The following DSCAM variants were observed in gnomAD, a reference collection of about 807,000 sequenced individuals.
DSCAM encodes the protein DS cell adhesion molecule.
DSCAM carries 47 observed loss-of-function variants against 217.7 expected under a neutral mutation model. The observed-to-expected ratio is 0.22, with a 90% CI of 0.17 to 0.28. DSCAM has a LOEUF of 0.28. Among genes scored for constraint, DSCAM ranks in the 10% least tolerant of loss-of-function variants. The pLI, the probability that DSCAM is intolerant of heterozygous loss-of-function variation, is 1.00. For missense variants in DSCAM, 2,080 were observed against 2,618.3 expected, an observed-to-expected ratio of 0.79 and a Z score of 4.49; for synonymous variants, 1,056 against 1,015.3, an observed-to-expected ratio of 1.04 and a Z score of -0.76.
At chr21:40,319,437 A>ATGTGTGTGTGTGTGTG (rs536367981) in intron 8 of DSCAM, among the ~76,000 whole-genome samples, 25 of 151,598 alleles carry the variant, frequency 1.6e-4, no homozygotes, top group South Asian at 6.3e-4. Flanking sequence ...TCGTGTGTGC[A>ATGTGTGTGTGTGTGTG]TGTGTGTGTG....
intron 1 of DSCAM, among the ~76,000 whole-genome samples, chr21:40,830,902 T>C (rs1405538903): frequency 6.6e-6 from 1 of 152,176 alleles, no homozygotes; most frequent in African/African-American, 2.4e-5. Context: ...AAGACAAATA[T>C]CTTTAAATTT....
rs748088563 is a variant in DSCAM at position 40,084,036 on chromosome 21, G to A, written c.4133-30C>T. ...AGAGGAAACAGTTTTTAGAAAACAAGAATTAGTTTTTCACATCTTTAACTT... is the reference window on the plus strand; with the variant it reads ...AGAGGAAACAGTTTTTAGAAAACAAAAATTAGTTTTTCACATCTTTAACTT... On this transcript the variant is annotated intron_variant, in intron 23 of 32. Transcript: ENST00000400454. The A allele has an allele frequency of 2.2e-5, 34 of 1,567,582 alleles. No homozygotes were observed. The South Asian group carries it at 3.9e-4, about 18-fold the overall frequency.
At chr21:40,759,397 T>G (rs2091307922) in intron 1 of DSCAM, among the ~76,000 whole-genome samples, 1 of 152,166 alleles carries the variant, frequency 6.6e-6, no homozygotes, top group South Asian at 2.1e-4. Context: ...TGGAATCTTT[T>G]CAGGCTGGAT....
chr21:40,323,278 GA>G (rs1416287180), intron 8 of DSCAM, among the ~76,000 whole-genome samples: 1 of 152,088 alleles, frequency 6.6e-6, no homozygotes, highest in East Asian at 1.9e-4. Flanking sequence ...TCAGCTTCCC[GA>G]AAAACCCAAC....
In DSCAM at chr21:40,133,897, G is replaced by C. The variant is rs201831874; in HGVS notation, c.3519C>G (p.Asp1173Glu). Residue 1173 changes from aspartate (D) to glutamate (E), a missense_variant, in exon 19 of 33, where the codon GAC becomes GAG. Transcript: ENST00000400454. ...IQVLAFTRAG[D>E]GVRSEQIFTR... is the part of the protein sequence containing the mutation. ...TGAAGATCTGCTCACTCCTGACCCCGTCTCCTGCGCGGGTGAAGGCCAGCA... is the reference window on the plus strand; with the variant it reads ...TGAAGATCTGCTCACTCCTGACCCCCTCTCCTGCGCGGGTGAAGGCCAGCA... The C allele has an allele frequency of 1.2e-6, 2 of 1,613,392 alleles. No individual in the cohort carries two copies. The highest frequency in any genetic ancestry group is 1.7e-6 in the Non-Finnish European group (2 of 1,179,686).
chr21:40,473,679 T>C (rs912793588), intron 3 of DSCAM, among the ~76,000 whole-genome samples: 1 of 152,072 alleles, frequency 6.6e-6, no homozygotes, highest in East Asian at 1.9e-4. Flanking sequence ...CCCCAGTACC[T>C]CGGGATAAGG....
At chr21:40,810,084 AT>A (rs901640787) in intron 1 of DSCAM, among the ~76,000 whole-genome samples, 2 of 152,184 alleles carry the variant, frequency 1.3e-5, no homozygotes, top group African/African-American at 4.8e-5. Context: ...AAACTATGAG[AT>A]TACAGCCCAT....
intron 3 of DSCAM, among the ~76,000 whole-genome samples, chr21:40,556,705 G>C (rs1186063104): frequency 1.3e-5 from 2 of 152,062 alleles, no homozygotes; most frequent in South Asian, 2.1e-4. Context: ...GCTCTGGAGG[G>C]AGCTCACAGA....
intron 30 of DSCAM, among the ~76,000 whole-genome samples, chr21:40,049,887 CA>C (rs1416937575): frequency 6.6e-6 from 1 of 152,194 alleles, no homozygotes; most frequent in African/African-American, 2.4e-5. Flanking sequence ...GGAAGGTTGC[CA>C]GTGCTTTTGT....
intron 11 of DSCAM, among the ~76,000 whole-genome samples, chr21:40,230,263 T>G (rs998111253): frequency 1.3e-5 from 2 of 152,210 alleles, no homozygotes; most frequent in Non-Finnish European, 2.9e-5. Context: ...GGAGCATTGG[T>G]ATTAGTTCTT....
intron 1 of DSCAM, among the ~76,000 whole-genome samples, chr21:40,775,959 T>C (rs7278763): frequency 1.1e-3 from 173 of 152,300 alleles, no homozygotes; most frequent in Middle Eastern, 3.4e-3. Context: ...GTGCACACAA[T>C]AACCAACCAT....
intron 24 of DSCAM, among the ~76,000 whole-genome samples, chr21:40,081,148 T>C (rs2089450354): frequency 6.6e-6 from 1 of 152,192 alleles, no homozygotes; most frequent in African/African-American, 2.4e-5. Context: ...AAGCCCATGT[T>C]CTTCACCCCT....
intron 3 of DSCAM, among the ~76,000 whole-genome samples, chr21:40,680,986 T>G (rs1422690435): frequency 2.0e-5 from 3 of 152,258 alleles, no homozygotes; most frequent in African/African-American, 7.2e-5. Flanking sequence ...AGAATCTAGT[T>G]GTTGAAGTTT....
chr21:40,487,322 T>TGAGAGA (rs1373428913), intron 3 of DSCAM, among the ~76,000 whole-genome samples: 14 of 138,342 alleles, frequency 1.0e-4, no homozygotes, highest in African/African-American at 2.3e-4. Context: ...TGTGTGTGTG[T>TGAGAGA]GTGTGAGAGA....
intron 8 of DSCAM, among the ~76,000 whole-genome samples, chr21:40,321,598 G>T (rs1181275600): frequency 1.3e-5 from 2 of 148,470 alleles, no homozygotes; most frequent in South Asian, 2.1e-4. Context: ...TCTTTCAATT[G>T]TGTCCTAACT....
At chr21:40,736,781 T>C (rs1259479692) in intron 1 of DSCAM, among the ~76,000 whole-genome samples, 1 of 152,148 alleles carries the variant, frequency 6.6e-6, no homozygotes, top group African/African-American at 2.4e-5. Context: ...CTATAACATA[T>C]ACTGAAGTTA....
At chr21:40,334,672 C>T (rs1025991606) in intron 8 of DSCAM, among the ~76,000 whole-genome samples, 1 of 151,802 alleles carries the variant, frequency 6.6e-6, no homozygotes, top group African/African-American at 2.4e-5. Flanking sequence ...ACTATGTTGC[C>T]CAGGCTGGAG....
chr21:40,576,454 ACTGAAT>A (rs1282709370), intron 3 of DSCAM, among the ~76,000 whole-genome samples: 1 of 152,218 alleles, frequency 6.6e-6, no homozygotes, highest in African/African-American at 2.4e-5. Context: ...GGGACAGTTA[ACTGAAT>A]GTTCTACATC....
intron 20 of DSCAM, among the ~76,000 whole-genome samples, chr21:40,106,904 T>TA (rs368403557): frequency 5.5e-4 from 80 of 146,472 alleles, no homozygotes; most frequent in East Asian, 1.4e-3. Flanking sequence ...TATTTTATTT[T>TA]TTTTTTCAAA....
Sources: allele counts gnomAD v4.1 joint callset (sites outside exome capture counted in the v4.1 genomes callset), GRCh38; gene constraint gnomAD v4.1.1; transcripts MANE v1.5; gene names NCBI Gene and HGNC (gene_info 2026-07-23, HGNC 2026-07-21).